The following COQ8A variants were observed in gnomAD, a reference collection of about 807,000 sequenced individuals.
The protein encoded by COQ8A is coenzyme Q8A, also known as atypical kinase COQ8A, mitochondrial.
COQ8A carries 51 observed loss-of-function variants against 65.0 expected under a neutral mutation model. That is an observed-to-expected ratio of 0.78 (90% confidence interval 0.63 to 0.99). The LOEUF (loss-of-function observed/expected upper bound fraction) is 0.99. Ranked by LOEUF, COQ8A falls within the 50% of genes least tolerant of loss-of-function variation. The pLI is 0.00. For missense variants in COQ8A, 940 were observed against 875.0 expected (o/e 1.07, Z -0.94); for synonymous variants, 371 against 353.2 (o/e 1.05, Z -0.57).
Position 226,966,562 on chromosome 1 carries a change from G to C in COQ8A, c.655+825G>C, listed in dbSNP as rs570400320. On this transcript the variant is annotated intron_variant, in intron 4 of 14. Coordinates refer to ENST00000366777, the MANE Select transcript of COQ8A (RefSeq NM_020247.5). Reference sequence around the variant, plus strand: ...ATAATTAATGGAAGCCACAGTTTTGGTGGCTTGATTTGGACCCTGACCTTG... The same window carrying C: ...ATAATTAATGGAAGCCACAGTTTTGCTGGCTTGATTTGGACCCTGACCTTG... Among the ~76,000 whole-genome samples the C allele has an allele frequency of 5.3e-5, 8 of 152,276 alleles. No homozygotes were observed. In the East Asian group the frequency reaches 1.4e-3, roughly 26 times the overall value.
chr1:226,982,913 TG>T lies in COQ8A; in HGVS notation c.962del (p.Gly321AlafsTer29), dbSNP rs767164059. The stretch of plus-strand genomic sequence containing the variant: ...CTTCAGAAAACTCTCAACAACGACC[TG>T]GGCCCCAACTGGCGGGACAAGTTGG... ...KQMMKTLNND[L>X]GPNWRDKLEY... On this transcript the variant is annotated frameshift_variant, in exon 8 of 15. Coordinates refer to ENST00000366777, the MANE Select transcript of COQ8A (RefSeq NM_020247.5). LOFTEE classifies it high-confidence loss of function. 3 of 1,612,608 alleles carry T rather than the reference TG, an allele frequency of 1.9e-6. No homozygotes were observed. Among genetic ancestry groups the T allele is most frequent in the Non-Finnish European group, 2.5e-6 (3 of 1,179,808 alleles).
intron 14 of COQ8A, 106 bp downstream of exon 14, chr1:226,985,446 A>C: frequency 7.6e-7 from 1 of 1,309,418 alleles, no homozygotes; most frequent in East Asian, 2.3e-5. Context: ...AGGGGCCCCC[A>C]GAGCCCGGGC....
chr1:226,966,293 T>C (rs1558192239), intron 4 of COQ8A, among the ~76,000 whole-genome samples: 1 of 152,228 alleles, frequency 6.6e-6, no homozygotes, highest in Non-Finnish European at 1.5e-5. Context: ...TTTGGGGGGT[T>C]GAGTTGTCAT....
intron 1 of COQ8A, among the ~76,000 whole-genome samples, chr1:226,954,373 C>T (rs1234993762): frequency 1.3e-5 from 2 of 152,260 alleles, no homozygotes; most frequent in African/African-American, 4.8e-5. Flanking sequence ...CATGGGCCAC[C>T]TCTGCTCCCC....
At chr1:226,975,003 C>T (rs1429883021) in intron 4 of COQ8A, 1 of 152,266 alleles carries the variant, frequency 6.6e-6, no homozygotes, top group African/African-American at 2.4e-5. Flanking sequence ...TGTGGATCCA[C>T]CTGCCCCTCT....
chr1:226,971,415 G>T (rs1288789440), intron 4 of COQ8A, among the ~76,000 whole-genome samples: 2 of 152,054 alleles, frequency 1.3e-5, no homozygotes, highest in Admixed American at 6.5e-5. Context: ...AGCTGGGCGT[G>T]GTGGTGGGTA....
In COQ8A at chr1:226,983,807, C is replaced by T. The variant is rs1659872437; in HGVS notation, c.1209C>T (p.Ala403=). 6.2e-7 allele frequency: 1 copy of T among 1,612,540 alleles called. No homozygotes were observed. ...HLIDVLRREL[A]LECDYQREAA... is the part of the protein sequence containing the mutation. ...TCGACGTGCTGAGGCGGGAGCTGGC[C>T]CTGGAGTGTGACTACCAGCGAGAGG... The change falls in exon 10 of 15, where the codon GCC becomes GCT. Residue 403 remains alanine, a synonymous_variant. Transcript: ENST00000366777.
chr1:226,968,886 A>G (rs1270231073), intron 4 of COQ8A, among the ~76,000 whole-genome samples: 1 of 152,196 alleles, frequency 6.6e-6, no homozygotes, highest in Non-Finnish European at 1.5e-5. Flanking sequence ...ATTTTCTTAA[A>G]GAGTGGTGTG....
In COQ8A at chr1:226,953,334, G is replaced by A. The variant is rs1162718403; in HGVS notation, c.-9-8043G>A. Among the ~76,000 whole-genome samples, 4 of 152,328 alleles carry A rather than the reference G, an allele frequency of 2.6e-5. No homozygotes were observed. The East Asian group carries it at 7.7e-4, about 29-fold the overall frequency. On this transcript the variant is annotated intron_variant, in intron 1 of 14. Coordinates refer to ENST00000366777, the MANE Select transcript of COQ8A (RefSeq NM_020247.5). ...TGAGCCACTGTGCCTGGCCCACAGT[G>A]TCATTTTCAATGACTATGTGGAATG...
At position 226,983,784 on chromosome 1, in the gene COQ8A, G is replaced by A. The variant is rs765825787; in HGVS notation, c.1186G>A (p.Asp396Asn). 9.3e-6 allele frequency: 15 copies of A among 1,612,918 alleles called. No individual in the cohort carries two copies. The highest frequency in any genetic ancestry group is 1.7e-4 in the Middle Eastern group (1 of 6,018). ...AGGCCTGTTCCCCGAGCACCTGATCGACGTGCTGAGGCGGGAGCTGGCCCT... is the reference window on the plus strand; with the variant it reads ...AGGCCTGTTCCCCGAGCACCTGATCAACGTGCTGAGGCGGGAGCTGGCCCT... Reference protein sequence around the residue: ...PEGLFPEHLIDVLRRELALEC... With the variant: ...PEGLFPEHLINVLRRELALEC... Residue 396 changes from aspartate to asparagine, a missense_variant, in exon 10 of 15, where the codon GAC becomes AAC. Physicochemically the swap from Asp to Asn is conservative, Grantham distance 23. Transcript: ENST00000366777.
Position 226,984,535 on chromosome 1 carries a change from G to T in COQ8A, c.1399-13G>T. The T allele has an allele frequency of 6.2e-7, 1 of 1,605,090 alleles. No individual in the cohort carries two copies. The highest frequency in any genetic ancestry group is 1.7e-4 in the Middle Eastern group (1 of 6,050). On this transcript the variant is annotated splice_polypyrimidine_tract_variant and intron_variant, in intron 11 of 14. Transcript: ENST00000366777. ...TGGTGCTGCCTGACACAGACCCTTC[G>T]CGCTGTCCACAGATCTGCTACAACA...
At chr1:226,965,476 C>G in intron 3 of COQ8A, 66 bp downstream of exon 3, 2 of 1,574,652 alleles carry the variant, frequency 1.3e-6, no homozygotes, top group Non-Finnish European at 1.7e-6. Flanking sequence ...GCCTTGGGCT[C>G]TGCTCTAGGG....
intron 4 of COQ8A, among the ~76,000 whole-genome samples, chr1:226,969,303 C>A (rs1231075459): frequency 6.6e-6 from 1 of 151,500 alleles, no homozygotes; most frequent in Non-Finnish European, 1.5e-5. Flanking sequence ...ATTCAGAATT[C>A]TTTTTTTTTG....
chr1:226,982,635 T>G (rs781682132), intron 6 of COQ8A, 43 bp from the exon 7 acceptor site: 2 of 1,603,356 alleles, frequency 1.2e-6, no homozygotes, highest in South Asian at 1.1e-5. Context: ...GGGCGCACAC[T>G]TTAATCCCCA....
At chr1:226,982,851 A>G in intron 7 of COQ8A, 43 bp from the exon 8 acceptor site, 2 of 1,612,626 alleles carry the variant, frequency 1.2e-6, no homozygotes, top group Non-Finnish European at 1.7e-6. Context: ...CCGGTGGCCC[A>G]GGCAGGGCAT....
At position 226,984,540 on chromosome 1, in the gene COQ8A, G is replaced by C; in HGVS notation, c.1399-8G>C. On this transcript the variant is annotated splice_region_variant and splice_polypyrimidine_tract_variant and intron_variant, in intron 11 of 14. Coordinates refer to ENST00000366777, the MANE Select transcript of COQ8A (RefSeq NM_020247.5). ...CTGCCTGACACAGACCCTTCGCGCTGTCCACAGATCTGCTACAACATCCTG... is the reference window on the plus strand; with the variant it reads ...CTGCCTGACACAGACCCTTCGCGCTCTCCACAGATCTGCTACAACATCCTG... The C allele has an allele frequency of 6.2e-7, 1 of 1,609,814 alleles. No individual in the cohort carries two copies. Among genetic ancestry groups the C allele is most frequent in the Non-Finnish European group, 8.5e-7 (1 of 1,175,950 alleles).
intron 4 of COQ8A, 119 bp from the exon 5 acceptor site, chr1:226,977,330 C>A: frequency 2.3e-6 from 2 of 873,506 alleles, no homozygotes; most frequent in Non-Finnish European, 1.8e-6. Context: ...GCTGGTGTGG[C>A]AGCGAGGGCC....
At position 226,977,480 on chromosome 1, in the gene COQ8A, G is replaced by A. The variant is rs752409331; in HGVS notation, c.687G>A (p.Leu229=). Residue 229 remains leucine, a synonymous_variant, in exon 5 of 15, where the codon CTG becomes CTA. Transcript: ENST00000366777. ...CCGTGGGCCTGGGCTTCGGGGCACTGGCAGAGGTCGCCAAGAAGAGCCTGC... is the reference window on the plus strand; with the variant it reads ...CCGTGGGCCTGGGCTTCGGGGCACTAGCAGAGGTCGCCAAGAAGAGCCTGC... ...GLAVGLGFGA[L]AEVAKKSLRS... 3.2e-5 allele frequency: 50 copies of A among 1,567,444 alleles called. No homozygotes were observed. Among genetic ancestry groups the A allele is most frequent in the Non-Finnish European group, 4.0e-5 (46 of 1,156,380 alleles).
In COQ8A at chr1:226,983,233, G is replaced by A. The variant is rs560587994; in HGVS notation, c.1080+199G>A. 2.1e-3 allele frequency: 1,828 copies of A among 870,120 alleles called. 4 individuals are homozygous for A. Among genetic ancestry groups the A allele is most frequent in the Non-Finnish European group, 2.9e-3 (1,706 of 583,080 alleles). The allele number at this position is 870,120 out of a possible 1,614,324, so 53.9% of individuals were successfully genotyped here. On this transcript the variant is annotated intron_variant, in intron 8 of 14. Coordinates refer to ENST00000366777, the MANE Select transcript of COQ8A (RefSeq NM_020247.5). ...GTATTTGCTAAATGAGTGACTTTGG[G>A]GGCACAGAGGGGCCCCCAGCAAGCT...
Sources: gnomAD v4.1 joint callset for allele counts (sites outside exome capture counted in the v4.1 genomes callset) on GRCh38, gnomAD v4.1.1 for gene constraint, MANE v1.5 for transcripts, NCBI Gene and HGNC (gene_info 2026-07-23, HGNC 2026-07-21) for gene names.